The following HDAC9 variants were observed in gnomAD, a reference collection of about 807,000 sequenced individuals.
HDAC9 encodes MEF-2 interacting transcription repressor (MITR) protein.
A neutral mutation model predicts 139.4 loss-of-function variants in HDAC9; 41 were observed. That is an observed-to-expected ratio of 0.29 (90% CI 0.23 to 0.38). HDAC9 has a LOEUF of 0.38. Among genes scored for constraint, HDAC9 ranks in the 10% least tolerant of loss-of-function variants. The pLI, the probability that HDAC9 is intolerant of heterozygous loss-of-function variation, is 1.00. For synonymous variants in HDAC9, 517 were observed against 476.2 expected, an observed-to-expected ratio of 1.09 and a Z score of -1.12; for missense variants, 1,147 against 1,297.0, an observed-to-expected ratio of 0.88 and a Z score of 1.78.
chr7:18,508,900 G>A (rs990149855), intron 2 of HDAC9, among the ~76,000 whole-genome samples: 1 of 152,114 alleles, frequency 6.6e-6, no homozygotes, highest in Admixed American at 6.5e-5. Flanking sequence ...TTTGTTAGGC[G>A]GCTGGAGAAT....
At chr7:18,791,587 A>C (rs184792978) in intron 16 of HDAC9, among the ~76,000 whole-genome samples, 450 of 152,270 alleles carry the variant, frequency 3.0e-3, no homozygotes, top group Non-Finnish European at 4.5e-3. Flanking sequence ...TTCACTCTTT[A>C]GCTGACAGTG....
At chr7:18,257,041 A>G (rs754395817) in intron 2 of HDAC9, among the ~76,000 whole-genome samples, 1 of 151,890 alleles carries the variant, frequency 6.6e-6, no homozygotes, top group Non-Finnish European at 1.5e-5. Context: ...GTGAACCGTG[A>G]TTATACCACT....
chr7:18,715,592 A>T (rs1784644123), intron 12 of HDAC9, among the ~76,000 whole-genome samples: 1 of 152,164 alleles, frequency 6.6e-6, no homozygotes, highest in Admixed American at 6.5e-5. Context: ...ATGAGAGGGT[A>T]TAAAGATTAA....
At chr7:18,508,807 C>G (rs748147806) in intron 2 of HDAC9, among the ~76,000 whole-genome samples, 1 of 152,180 alleles carries the variant, frequency 6.6e-6, no homozygotes, top group Non-Finnish European at 1.5e-5. Flanking sequence ...GTATGAAATA[C>G]AGTATTCATC....
chr7:18,303,375 T>TTTTG (rs1342787536), intron 1 of HDAC9, among the ~76,000 whole-genome samples: 1 of 127,792 alleles, frequency 7.8e-6, no homozygotes, highest in East Asian at 2.3e-4. Flanking sequence ...CCCAGCCAAT[T>TTTTG]TGTGTGTGTG....
chr7:18,158,653 T>C (rs1035975743), intron 1 of HDAC9, among the ~76,000 whole-genome samples: 2 of 152,200 alleles, frequency 1.3e-5, no homozygotes, highest in East Asian at 3.8e-4. Flanking sequence ...CAAAGGGCTG[T>C]TGTGAAGATC....
At chr7:18,767,070 A>G in intron 15 of HDAC9, 36 bp from the exon 16 acceptor site, 1 of 1,022,718 alleles carries the variant, frequency 9.8e-7, no homozygotes, top group Non-Finnish European at 1.4e-6. Context: ...TATAACCTCC[A>G]TTTATCTATA....
chr7:18,405,420 C>T (rs976292723), intron 1 of HDAC9, among the ~76,000 whole-genome samples: 1 of 152,072 alleles, frequency 6.6e-6, no homozygotes, highest in Non-Finnish European at 1.5e-5. Context: ...CATAATCATC[C>T]CCCTATCTTA....
chr7:18,351,839 C>T (rs1782870883), intron 1 of HDAC9, among the ~76,000 whole-genome samples: 1 of 152,158 alleles, frequency 6.6e-6, no homozygotes, highest in Admixed American at 6.5e-5. Context: ...TACAGGCACA[C>T]ACACAGGTTA....
At chr7:18,693,774 G>T (rs1469948950) in intron 12 of HDAC9, among the ~76,000 whole-genome samples, 3 of 152,134 alleles carry the variant, frequency 2.0e-5, no homozygotes, top group Non-Finnish European at 4.4e-5. Context: ...TTAAAGAATT[G>T]CTAAATAAAT....
chr7:18,403,036 G>A (rs1403017741), intron 1 of HDAC9, among the ~76,000 whole-genome samples: 1 of 152,086 alleles, frequency 6.6e-6, no homozygotes, highest in Non-Finnish European at 1.5e-5. Flanking sequence ...TAAATTAGTG[G>A]CTTAGGGAAA....
At position 18,593,349 on chromosome 7, in the gene HDAC9, TA is replaced by T. The variant is rs1490113411; in HGVS notation, c.543-552del. ...ATTCACCCAGGAAAAAGAAAACATT[TA>T]AAAAAATTGGTTTCATATTAAAGAA... On this transcript the variant is annotated intron_variant, in intron 5 of 25. Coordinates refer to ENST00000686413, the MANE Select transcript of HDAC9 (RefSeq NM_178425.4). Among the ~76,000 whole-genome samples the T allele has an allele frequency of 3.3e-5, 5 of 152,140 alleles. No individual in the cohort carries two copies. The East Asian group carries it at 9.7e-4, about 29-fold the overall frequency.
rs540167148 is a variant in HDAC9, at chr7:18,402,628, T to C, written c.-41-93634T>C. ...GTGCCCTCAGAAGGTTTCAGGCAAG[T>C]GAGAGGCATGATAAGATTTCTGGGT... On this transcript the variant is annotated intron_variant, in intron 1 of 3. Transcript: ENST00000413509. Among the ~76,000 whole-genome samples the C allele has an allele frequency of 1.1e-4, 16 of 152,290 alleles. No individual in the cohort carries two copies. The East Asian group carries it at 2.9e-3, about 28-fold the overall frequency.
chr7:18,906,991 A>G (rs1165817236), intron 22 of HDAC9: 1 of 152,236 alleles, frequency 6.6e-6, no homozygotes, highest in African/African-American at 2.4e-5. Flanking sequence ...GGAAAGAGAA[A>G]ACACAAGATG....
intron 1 of HDAC9, among the ~76,000 whole-genome samples, chr7:18,129,093 A>G (rs1222603234): frequency 6.6e-6 from 1 of 152,160 alleles, no homozygotes; most frequent in African/African-American, 2.4e-5. Flanking sequence ...GATTGAAGCA[A>G]GGAGACTGGG....
At chr7:18,874,983 T>C (rs1471245214) in intron 22 of HDAC9, among the ~76,000 whole-genome samples, 1 of 152,138 alleles carries the variant, frequency 6.6e-6, no homozygotes, top group Non-Finnish European at 1.5e-5. Flanking sequence ...GGGATAAAAA[T>C]AACTATTTCT....
At chr7:18,632,754 G>T (rs1184922915) in intron 7 of HDAC9, among the ~76,000 whole-genome samples, 1 of 151,996 alleles carries the variant, frequency 6.6e-6, no homozygotes, top group African/African-American at 2.4e-5. Flanking sequence ...TAGTGACTCA[G>T]AAATATGAGC....
At chr7:18,738,195 G>C (rs532546210) in intron 13 of HDAC9, among the ~76,000 whole-genome samples, 6 of 152,260 alleles carry the variant, frequency 3.9e-5, no homozygotes, top group African/African-American at 1.4e-4. Context: ...CACACTGATG[G>C]ATCTTGACTC....
At chr7:18,711,309 C>T (rs1289941953) in intron 12 of HDAC9, among the ~76,000 whole-genome samples, 2 of 152,216 alleles carry the variant, frequency 1.3e-5, no homozygotes, top group Admixed American at 6.5e-5. Flanking sequence ...CCACCTTCCT[C>T]TCTCCAACCC....
Sources: allele counts gnomAD v4.1 joint callset (sites outside exome capture counted in the v4.1 genomes callset), GRCh38; gene constraint gnomAD v4.1.1; transcripts MANE v1.5; gene names NCBI Gene and HGNC (gene_info 2026-07-23, HGNC 2026-07-21).